Variants in ZNF608 observed in about 807,000 individuals in gnomAD.
ZNF608 encodes zinc finger protein 608, also known as renal carcinoma antigen NY-REN-36.
Under a neutral mutation model 109.0 loss-of-function variants are expected in ZNF608, and 12 were observed. The observed-to-expected ratio is 0.11, with a 90% CI of 0.07 to 0.18. ZNF608 has a LOEUF of 0.18. Among genes scored for constraint, ZNF608 ranks in the 10% least tolerant of loss-of-function variants. The probability of loss-of-function intolerance (pLI) is 1.00; values close to 1 mark genes in which losing one functional copy is unlikely to be tolerated. For missense variants in ZNF608, 1,707 were observed against 1,879.3 expected (o/e 0.91, Z 1.70); for synonymous variants, 732 against 717.4 (o/e 1.02, Z -0.33).
chr5:124,708,167 T>C (rs1250312395), intron 2 of ZNF608, among the ~76,000 whole-genome samples: 1 of 152,212 alleles, frequency 6.6e-6, no homozygotes, highest in African/African-American at 2.4e-5. Flanking sequence ...CTCATAAAAA[T>C]AGTAACATCA....
At chr5:124,639,386 A>G (rs1216163205) in intron 8 of ZNF608, among the ~76,000 whole-genome samples, 172 bp from the exon 9 acceptor site, 2 of 152,242 alleles carry the variant, frequency 1.3e-5, no homozygotes, top group African/African-American at 2.4e-5. Context: ...TCTATCTGCT[A>G]TCTATCCTTT....
rs115402944 is a variant in ZNF608 at position 124,653,356 on chromosome 5, T to A, written c.1163-3659A>T. On this transcript the variant is annotated intron_variant, in intron 3 of 9. Coordinates refer to ENST00000513986, the MANE Select transcript of ZNF608 (RefSeq NM_020747.3). ...GGATTTCAGTCAGTGTTCTGTTATG[T>A]CCTTTGTAAAGGGTTTCCAGGAAGA... Among the ~76,000 whole-genome samples the A allele has an allele frequency of 4.6e-5, 7 of 152,338 alleles. No homozygotes were observed. The East Asian group carries it at 1.3e-3, about 29-fold the overall frequency.
chr5:124,673,634 A>G (rs1180142140), intron 3 of ZNF608, among the ~76,000 whole-genome samples: 1 of 152,184 alleles, frequency 6.6e-6, no homozygotes, highest in Admixed American at 6.5e-5. Flanking sequence ...TAAAACAAAA[A>G]TCATGAAAAC....
chr5:124,713,818 G>C (rs1481305179), intron 2 of ZNF608, among the ~76,000 whole-genome samples: 2 of 152,106 alleles, frequency 1.3e-5, no homozygotes, highest in African/African-American at 2.4e-5. Context: ...AGGGCAGGAA[G>C]GAAGTGAAAA....
intron 2 of ZNF608, chr5:124,710,105 A>G (rs983758439): frequency 7.6e-6 from 3 of 395,284 alleles, no homozygotes; most frequent in Admixed American, 3.5e-5. Context: ...TGATAAATAC[A>G]TTGTCCTTGT....
At chr5:124,703,999 T>A (rs975048124) in intron 2 of ZNF608, among the ~76,000 whole-genome samples, 9 of 152,018 alleles carry the variant, frequency 5.9e-5, no homozygotes, top group African/African-American at 2.2e-4. Context: ...GAAGCCAGAG[T>A]ACTCTGGGCC....
intron 2 of ZNF608, among the ~76,000 whole-genome samples, chr5:124,706,107 T>C (rs1471243710): frequency 1.3e-5 from 2 of 152,216 alleles, no homozygotes; most frequent in African/African-American, 2.4e-5. Context: ...GGAACTTTCA[T>C]GGTGGCCTGA....
chr5:124,695,245 A>G (rs1752801152), intron 3 of ZNF608, among the ~76,000 whole-genome samples: 1 of 152,178 alleles, frequency 6.6e-6, no homozygotes, highest in Non-Finnish European at 1.5e-5. Flanking sequence ...AGTCACTATG[A>G]TATACCTCAA....
At chr5:124,638,075 C>G (rs533643284) in intron 9 of ZNF608, among the ~76,000 whole-genome samples, 169 bp from the exon 10 acceptor site, 2 of 152,200 alleles carry the variant, frequency 1.3e-5, no homozygotes, top group East Asian at 3.9e-4. Context: ...CTCAGCCTCC[C>G]GAGTAGCTGG....
chr5:124,644,736 A>G (rs1343020419), intron 5 of ZNF608, 75 bp from the exon 6 acceptor site: 4 of 1,323,576 alleles, frequency 3.0e-6, no homozygotes, highest in South Asian at 1.5e-5. Flanking sequence ...AAACTTGTTA[A>G]TAATCATGAC....
At chr5:124,725,963 CTGT>C (rs886568719) in intron 2 of ZNF608, among the ~76,000 whole-genome samples, 1 of 152,150 alleles carries the variant, frequency 6.6e-6, no homozygotes, top group African/African-American at 2.4e-5. Context: ...TCATAGTGTC[CTGT>C]TTTTTCTCAC....
intron 3 of ZNF608, among the ~76,000 whole-genome samples, chr5:124,694,952 C>G (rs1386655178): frequency 6.6e-6 from 1 of 152,214 alleles, no homozygotes; most frequent in Non-Finnish European, 1.5e-5. Context: ...GTGGCACTAA[C>G]TAGTAGTTCT....
chr5:124,741,951 A>G (rs192555560), intron 2 of ZNF608, among the ~76,000 whole-genome samples: 164 of 152,304 alleles, frequency 1.1e-3, no homozygotes, highest in Non-Finnish European at 1.8e-3. Context: ...CCCCTGTGCC[A>G]ACTCCAGTGG....
chr5:124,673,510 A>G (rs1331282224), intron 3 of ZNF608, among the ~76,000 whole-genome samples: 1 of 152,234 alleles, frequency 6.6e-6, no homozygotes, highest in Non-Finnish European at 1.5e-5. Flanking sequence ...TTCTTACACA[A>G]TGCTAGGCAC....
chr5:124,716,447 C>T (rs563176849), intron 2 of ZNF608, among the ~76,000 whole-genome samples: 1 of 152,166 alleles, frequency 6.6e-6, no homozygotes, highest in South Asian at 2.1e-4. Context: ...TATTCCCTGA[C>T]TATAGTGCTT....
intron 3 of ZNF608, 70 bp from the exon 4 acceptor site, chr5:124,649,767 ATTTT>A: frequency 3.0e-6 from 3 of 1,010,516 alleles, no homozygotes; most frequent in South Asian, 4.1e-5. Context: ...TTCACTTATT[ATTTT>A]TTTCTCTTTT....
At position 124,641,394 on chromosome 5, in the gene ZNF608, C is replaced by G. The variant is rs767292417; in HGVS notation, c.4308G>C (p.Lys1436Asn). Residue 1436 changes from lysine to asparagine, a missense_variant, in exon 8 of 10, where the codon AAG becomes AAC. Physicochemically the swap from Lys to Asn is moderately conservative, Grantham distance 94. This residue lies in a region of ZNF608 where 1,073 missense variants were observed against 1,133.5 expected (regional missense o/e 0.95). Transcript: ENST00000513986. The stretch of plus-strand genomic sequence containing the variant: ...CCTCCCGTTCCCGCTCAGCTGTAGC[C>G]TTTTCCACAGGCTGCAACAGAAAAG... ...YRSKSPAPVE[K>N]ATAEREREAE... 6.2e-7 allele frequency: 1 copy of G among 1,610,674 alleles called. No individual in the cohort carries two copies. The highest frequency in any genetic ancestry group is 8.5e-7 in the Non-Finnish European group (1 of 1,177,862).
chr5:124,651,782 G>A (rs1487301440), intron 3 of ZNF608, among the ~76,000 whole-genome samples: 1 of 152,256 alleles, frequency 6.6e-6, no homozygotes, highest in Non-Finnish European at 1.5e-5. Flanking sequence ...CTGGGCCGAG[G>A]CGGCCGCCCG....
chr5:124,733,303 G>T (rs1748993095), intron 2 of ZNF608, among the ~76,000 whole-genome samples: 1 of 146,544 alleles, frequency 6.8e-6, no homozygotes, highest in Non-Finnish European at 1.5e-5. Flanking sequence ...TCTCCCAATG[G>T]TTAAAAAGCA....
Sources: allele counts gnomAD v4.1 joint callset (sites outside exome capture counted in the v4.1 genomes callset), GRCh38; gene constraint gnomAD v4.1.1; regional missense constraint gnomAD v4.1.1; transcripts MANE v1.5; gene names NCBI Gene and HGNC (gene_info 2026-07-23, HGNC 2026-07-21).